The following PARD3B variants were observed in gnomAD, a reference collection of about 807,000 sequenced individuals.
The protein encoded by PARD3B is par-3 family cell polarity regulator beta.
Under a neutral mutation model 130.2 loss-of-function variants are expected in PARD3B, and 103 were observed. That is an observed-to-expected ratio of 0.79 (90% CI 0.67 to 0.93). PARD3B has a LOEUF of 0.93. PARD3B is among the 40% of genes least tolerant of loss of function. The pLI, the probability that PARD3B is intolerant of heterozygous loss-of-function variation, is 0.00. For missense variants in PARD3B, 1,609 were observed against 1,499.2 expected (o/e 1.07, Z -1.21); for synonymous variants, 583 against 553.2 (o/e 1.05, Z -0.76).
intron 2 of PARD3B, among the ~76,000 whole-genome samples, chr2:204,959,313 CT>C (rs1267706814): frequency 6.6e-6 from 1 of 152,128 alleles, no homozygotes; most frequent in East Asian, 1.9e-4. Flanking sequence ...TGAACTCATT[CT>C]TTTTTATGGC....
At chr2:205,489,979 A>G (rs781265209) in intron 20 of PARD3B, among the ~76,000 whole-genome samples, 21 of 152,194 alleles carry the variant, frequency 1.4e-4, no homozygotes, top group Non-Finnish European at 2.5e-4. Context: ...CTCAGTCACA[A>G]CAATCAATCA....
chr2:204,848,410 C>G (rs186655765), intron 2 of PARD3B, among the ~76,000 whole-genome samples: 106 of 152,194 alleles, frequency 7.0e-4, no homozygotes, highest in African/African-American at 2.4e-3. Flanking sequence ...TTTCTGGCTT[C>G]CAGAATTGCT....
Position 205,125,842 on chromosome 2 carries a change from A to C in PARD3B, c.1434+105A>C. Reference sequence around the variant, plus strand: ...GAGTTCTAAATCACAGGCTTCATTCATAACCAAAATTGAATCACACTCAGG... The same window carrying C: ...GAGTTCTAAATCACAGGCTTCATTCCTAACCAAAATTGAATCACACTCAGG... On this transcript the variant is annotated intron_variant, in intron 10 of 22. Transcript: ENST00000406610. This position sits in a 1 kb window ranked among gnomAD's most constrained non-coding sequence, Gnocchi z 4.0. 1 of 1,439,690 alleles carries C rather than the reference A, an allele frequency of 6.9e-7. No individual in the cohort carries two copies. The highest frequency in any genetic ancestry group is 9.4e-7 in the Non-Finnish European group (1 of 1,064,212). The allele number at this position is 1,439,690 out of a possible 1,614,324, so 89.2% of individuals were successfully genotyped here.
At chr2:204,980,841 C>T (rs1692604697) in intron 3 of PARD3B, among the ~76,000 whole-genome samples, 1 of 152,108 alleles carries the variant, frequency 6.6e-6, no homozygotes, top group Admixed American at 6.5e-5. Context: ...AGTATGGTAT[C>T]CTAAACTGGA....
chr2:205,278,643 C>T (rs77796328), intron 16 of PARD3B, among the ~76,000 whole-genome samples: 1,986 of 152,154 alleles, frequency 0.013, 46 homozygotes, highest in African/African-American at 0.043. Flanking sequence ...GCCTCTTCCA[C>T]GACAAATTAA....
At chr2:205,527,524 GGTGACAA>G (rs1409601197) in intron 21 of PARD3B, among the ~76,000 whole-genome samples, 1 of 152,058 alleles carries the variant, frequency 6.6e-6, no homozygotes, top group Non-Finnish European at 1.5e-5. Flanking sequence ...TCTTTTCTGT[GGTGACAA>G]GTGACAAGGG....
intron 5 of PARD3B, among the ~76,000 whole-genome samples, chr2:205,106,820 C>CT (rs1234770599): frequency 2.0e-5 from 3 of 152,180 alleles, no homozygotes; most frequent in Non-Finnish European, 4.4e-5. Flanking sequence ...ATTCCCAGCA[C>CT]TTTAAGACCC....
At chr2:205,501,609 C>T (rs1395290939) in intron 21 of PARD3B, among the ~76,000 whole-genome samples, 6 of 152,146 alleles carry the variant, frequency 3.9e-5, no homozygotes, top group South Asian at 2.1e-4. Flanking sequence ...AACAGAACAC[C>T]GTGTCCAGCG....
intron 5 of PARD3B, among the ~76,000 whole-genome samples, chr2:205,111,038 A>G (rs2125592038): frequency 6.6e-6 from 1 of 152,270 alleles, no homozygotes; most frequent in African/African-American, 2.4e-5. Context: ...AAATAAAAAT[A>G]TGTGAACTGG....
chr2:205,390,489 C>G (rs1048131031), intron 18 of PARD3B, among the ~76,000 whole-genome samples: 1 of 152,100 alleles, frequency 6.6e-6, no homozygotes, highest in Non-Finnish European at 1.5e-5. Flanking sequence ...CTAATTAATT[C>G]GGTATGCTAG....
chr2:205,302,038 C>A (rs114768912), intron 18 of PARD3B: 8,135 of 480,192 alleles, frequency 0.017, 478 homozygotes, highest in African/African-American at 0.14. Context: ...GGTAGGGAGA[C>A]CCTATTCTTT....
At chr2:204,604,105 AT>A (rs2033618235) in intron 1 of PARD3B, among the ~76,000 whole-genome samples, 1 of 152,154 alleles carries the variant, frequency 6.6e-6, no homozygotes, top group Non-Finnish European at 1.5e-5. Context: ...AGGCGATTAC[AT>A]TTGTCATTAG....
chr2:204,976,348 A>G (rs1214562517), intron 3 of PARD3B, among the ~76,000 whole-genome samples: 1 of 152,198 alleles, frequency 6.6e-6, no homozygotes, highest in East Asian at 1.9e-4. Flanking sequence ...ATTTTCGGCA[A>G]GTTACTTAAG....
chr2:205,608,293 CT>C (rs1489040685), intron 22 of PARD3B, among the ~76,000 whole-genome samples: 1 of 152,072 alleles, frequency 6.6e-6, no homozygotes, highest in Non-Finnish European at 1.5e-5. Flanking sequence ...GAACCATTGT[CT>C]GCTACATGAT....
At chr2:205,096,595 G>A (rs1702414421) in intron 4 of PARD3B, among the ~76,000 whole-genome samples, 1 of 152,102 alleles carries the variant, frequency 6.6e-6, no homozygotes, top group Admixed American at 6.6e-5. Flanking sequence ...ACAAAGTTCA[G>A]AACTGTTTAC....
rs1054542611 is a variant in PARD3B at position 205,230,165 on chromosome 2, G to T, written c.2141-15613G>T. ...CTACGGCTGAGCTGGTACCTAAGGT[G>T]CAAGACCAAGTCCCTCTCCTTTTCT... is the stretch of plus-strand genomic sequence containing the variant. On this transcript the variant is annotated intron_variant, in intron 15 of 22. Transcript: ENST00000406610. This position sits in a 1 kb window ranked among gnomAD's most constrained non-coding sequence, Gnocchi z 4.1. Among the ~76,000 whole-genome samples, 2 of 151,968 alleles carry T rather than the reference G, an allele frequency of 1.3e-5. No homozygotes were observed. Among genetic ancestry groups the T allele is most frequent in the Non-Finnish European group, 2.9e-5 (2 of 68,016 alleles).
chr2:205,260,193 T>C (rs1048064628), intron 16 of PARD3B, among the ~76,000 whole-genome samples: 4 of 152,090 alleles, frequency 2.6e-5, no homozygotes, highest in African/African-American at 7.2e-5. Flanking sequence ...TAAAAAATAA[T>C]GTGTTCAGGT....
At chr2:204,776,788 C>A (rs895399047) in intron 2 of PARD3B, among the ~76,000 whole-genome samples, 4 of 151,836 alleles carry the variant, frequency 2.6e-5, no homozygotes, top group African/African-American at 9.7e-5. Context: ...AATGATGCCT[C>A]TTCTCTTACC....
chr2:205,089,452 G>T (rs1339911544), intron 4 of PARD3B, among the ~76,000 whole-genome samples: 1 of 152,098 alleles, frequency 6.6e-6, no homozygotes, highest in East Asian at 1.9e-4. Context: ...TTCTGCAAGC[G>T]CTTAATCCTT....
Sources: allele counts gnomAD v4.1 joint callset (sites outside exome capture counted in the v4.1 genomes callset), GRCh38; gene constraint gnomAD v4.1.1; non-coding constraint Gnocchi (gnomAD v3.1); transcripts MANE v1.5; gene names NCBI Gene and HGNC (gene_info 2026-07-23, HGNC 2026-07-21).